The following PDE4B variants were observed in gnomAD, a reference collection of about 807,000 sequenced individuals.
PDE4B encodes phosphodiesterase 4B.
A neutral mutation model predicts 82.2 loss-of-function variants in PDE4B; 20 were observed. The ratio of observed to expected loss-of-function variants is 0.24; its 90% CI spans 0.17 to 0.35. PDE4B has a LOEUF of 0.35. Ranked by LOEUF, PDE4B falls within the 10% of genes least tolerant of loss-of-function variation. PDE4B has a pLI of 1.00. For synonymous variants in PDE4B, 320 were observed against 318.9 expected (o/e 1.00, Z -0.04); for missense variants, 655 against 907.2 (o/e 0.72, Z 3.57).
At chr1:65,871,228 C>T (rs1195108495) in intron 1 of PDE4B, among the ~76,000 whole-genome samples, 1 of 152,198 alleles carries the variant, frequency 6.6e-6, no homozygotes, top group Non-Finnish European at 1.5e-5. Flanking sequence ...CTCTTCATGA[C>T]TAAGGTCAGA....
chr1:66,016,457 CT>C (rs1652780390), intron 3 of PDE4B, among the ~76,000 whole-genome samples: 1 of 152,278 alleles, frequency 6.6e-6, no homozygotes, highest in East Asian at 1.9e-4. Flanking sequence ...CATTATTCAG[CT>C]GTCAAACTTT....
chr1:66,083,636 C>G (rs1016147408), intron 3 of PDE4B, among the ~76,000 whole-genome samples: 4 of 152,154 alleles, frequency 2.6e-5, no homozygotes, highest in Non-Finnish European at 5.9e-5. Context: ...TGTACCTCCT[C>G]CATTCCATGC....
At chr1:66,134,906 C>T (rs2101123512) in intron 3 of PDE4B, among the ~76,000 whole-genome samples, 1 of 152,312 alleles carries the variant, frequency 6.6e-6, no homozygotes, top group Non-Finnish European at 1.5e-5. Flanking sequence ...CAGAAAGATA[C>T]AGCGTGAAGT....
chr1:66,072,891 C>G (rs1656223836), intron 3 of PDE4B, among the ~76,000 whole-genome samples: 1 of 152,020 alleles, frequency 6.6e-6, no homozygotes, highest in South Asian at 2.1e-4. Flanking sequence ...AGCAAACACC[C>G]CTAATGCACA....
intron 3 of PDE4B, among the ~76,000 whole-genome samples, chr1:66,149,097 A>G (rs1277413215): frequency 6.6e-6 from 1 of 152,228 alleles, no homozygotes; most frequent in African/African-American, 2.4e-5. Flanking sequence ...TTCAGCAATG[A>G]ATGAGCATTC....
chr1:65,995,066 C>T (rs1651463608), intron 3 of PDE4B, among the ~76,000 whole-genome samples: 1 of 151,952 alleles, frequency 6.6e-6, no homozygotes, highest in Admixed American at 6.6e-5. Context: ...CAAAATGTTA[C>T]AATTGCCAAA....
intron 3 of PDE4B, among the ~76,000 whole-genome samples, chr1:66,221,983 G>GA (rs1651025985): frequency 6.6e-6 from 1 of 152,016 alleles, no homozygotes; most frequent in Non-Finnish European, 1.5e-5. Context: ...TGTTTAAACA[G>GA]AAAAAGGTCT....
At chr1:66,218,911 G>T (rs1650733496) in intron 3 of PDE4B, among the ~76,000 whole-genome samples, 1 of 151,934 alleles carries the variant, frequency 6.6e-6, no homozygotes, top group African/African-American at 2.4e-5. Flanking sequence ...TTTAATTGTG[G>T]GATTTAATTA....
chr1:66,066,602 GT>G (rs1655862972), intron 3 of PDE4B, among the ~76,000 whole-genome samples: 1 of 151,988 alleles, frequency 6.6e-6, no homozygotes, highest in African/African-American at 2.4e-5. Context: ...GAATTTATAT[GT>G]TCCCTAAAAG....
intron 3 of PDE4B, among the ~76,000 whole-genome samples, chr1:66,150,689 A>T (rs1646374590): frequency 2.0e-5 from 3 of 152,180 alleles, no homozygotes; most frequent in Admixed American, 2.0e-4. Context: ...GATGTCTTTC[A>T]TCGGATTGCA....
Position 66,363,518 on chromosome 1 carries a change from G to T in PDE4B, c.1231G>T (p.Ala411Ser). The change falls in exon 12 of 17, where the codon GCT becomes TCT. Residue 411 changes from alanine to serine, a missense_variant. Ala to Ser is a moderately conservative substitution (Grantham distance 99). This residue lies in a region of PDE4B where 283 missense variants were observed against 516.4 expected (regional missense o/e 0.55). Coordinates refer to ENST00000341517, the MANE Select transcript of PDE4B (RefSeq NM_002600.4). ...SDVAYHNSLH[A>S]ADVAQSTHVL... Reference sequence around the variant, plus strand: ...CGTGGCATATCACAACAGCCTGCACGCTGCTGATGTAGCCCAGTCGACCCA... The same window carrying T: ...CGTGGCATATCACAACAGCCTGCACTCTGCTGATGTAGCCCAGTCGACCCA... 6.2e-7 allele frequency: 1 copy of T among 1,613,626 alleles called. No individual in the cohort carries two copies. Among genetic ancestry groups the T allele is most frequent in the Non-Finnish European group, 8.5e-7 (1 of 1,179,730 alleles).
At chr1:66,144,630 G>A (rs1369738825) in intron 3 of PDE4B, among the ~76,000 whole-genome samples, 2 of 152,164 alleles carry the variant, frequency 1.3e-5, no homozygotes, top group Non-Finnish European at 2.9e-5. Context: ...TCAGATTAAG[G>A]AGGCTCAATC....
At chr1:66,276,338 G>A (rs575882110) in intron 7 of PDE4B, among the ~76,000 whole-genome samples, 2 of 152,338 alleles carry the variant, frequency 1.3e-5, no homozygotes, top group African/African-American at 4.8e-5. Context: ...CAAAGTTAGT[G>A]ATAGAATCAG....
intron 3 of PDE4B, among the ~76,000 whole-genome samples, chr1:66,125,565 G>T (rs1570294651): frequency 6.6e-6 from 1 of 152,164 alleles, no homozygotes; most frequent in East Asian, 1.9e-4. Context: ...TAGAAATTTG[G>T]TGATGTTTTG....
At chr1:65,866,351 G>C (rs948802786) in intron 1 of PDE4B, among the ~76,000 whole-genome samples, 13 of 151,986 alleles carry the variant, frequency 8.6e-5, no homozygotes, top group African/African-American at 3.1e-4. Flanking sequence ...CATGTAAGTA[G>C]GAGAAAATTT....
At chr1:66,216,341 C>G (rs1256587349) in intron 3 of PDE4B, among the ~76,000 whole-genome samples, 1 of 151,710 alleles carries the variant, frequency 6.6e-6, no homozygotes, top group Non-Finnish European at 1.5e-5. Flanking sequence ...TGTAGAACTC[C>G]TGATGAATAC....
At chr1:65,976,468 G>C (rs946582900) in intron 3 of PDE4B, among the ~76,000 whole-genome samples, 4 of 152,160 alleles carry the variant, frequency 2.6e-5, no homozygotes, top group Non-Finnish European at 2.9e-5. Context: ...GTTAATGCTG[G>C]AATGAGTTAA....
At chr1:66,234,285 C>T (rs1395634526) in intron 3 of PDE4B, among the ~76,000 whole-genome samples, 1 of 152,092 alleles carries the variant, frequency 6.6e-6, no homozygotes, top group Non-Finnish European at 1.5e-5. Flanking sequence ...AATGTACTGG[C>T]ATAATTATTA....
intron 7 of PDE4B, among the ~76,000 whole-genome samples, chr1:66,282,273 G>T (rs567982634): frequency 3.9e-5 from 6 of 152,300 alleles, no homozygotes; most frequent in African/African-American, 1.4e-4. Context: ...AGGTGGCAGT[G>T]TCTTCCTCTC....
Sources: gnomAD v4.1 joint callset for allele counts (sites outside exome capture counted in the v4.1 genomes callset) on GRCh38, gnomAD v4.1.1 for gene constraint, gnomAD v4.1.1 regional missense constraint, MANE v1.5 for transcripts, NCBI Gene and HGNC (gene_info 2026-07-23, HGNC 2026-07-21) for gene names.